RSPO2: variants seen among roughly 807,000 people sequenced by gnomAD.
The protein encoded by RSPO2 is R-spondin-2.
Under a neutral mutation model 30.9 loss-of-function variants are expected in RSPO2, and 14 were observed. The ratio of observed to expected loss-of-function variants is 0.45; its 90% CI spans 0.30 to 0.71. The LOEUF is 0.71. Ranked by LOEUF, RSPO2 falls within the 30% of genes least tolerant of loss-of-function variation. The probability of loss-of-function intolerance (pLI) is 0.08; values close to 1 mark genes in which losing one functional copy is unlikely to be tolerated. For synonymous variants in RSPO2, 107 were observed against 96.4 expected (o/e 1.11, Z -0.64); for missense variants, 264 against 301.9 (o/e 0.87, Z 0.93).
chr8:107,920,127 A>AGAGAAGGAGGG (rs61438068), intron 5 of RSPO2, among the ~76,000 whole-genome samples: 101,236 of 151,632 alleles, frequency 0.67, 35,674 homozygotes, highest in East Asian at 0.9. Flanking sequence ...GGAGGAAGAG[A>AGAGAAGGAGGG]AAGAAGGAGG....
intron 3 of RSPO2, 33 bp from the exon 4 acceptor site, chr8:107,960,850 T>C: frequency 1.3e-6 from 2 of 1,501,124 alleles, no homozygotes; most frequent in Non-Finnish European, 1.8e-6. Context: ...AAAAGAAAAT[T>C]TCAGTCAAAG....
intron 2 of RSPO2, among the ~76,000 whole-genome samples, chr8:108,037,651 C>G (rs1811637857): frequency 6.6e-6 from 1 of 152,204 alleles, no homozygotes; most frequent in Admixed American, 6.6e-5. Context: ...ATGTGAATGT[C>G]TAACTTCAAA....
chr8:107,984,144 A>G (rs537382628), intron 3 of RSPO2, among the ~76,000 whole-genome samples: 2 of 152,388 alleles, frequency 1.3e-5, no homozygotes, highest in East Asian at 1.9e-4. Flanking sequence ...AATGCGCAGC[A>G]TATCTCATTC....
At chr8:108,023,006 T>C (rs34600532) in intron 2 of RSPO2, among the ~76,000 whole-genome samples, 68 of 150,594 alleles carry the variant, frequency 4.5e-4, no homozygotes, top group Non-Finnish European at 6.0e-4. Flanking sequence ...CCAAGAGAGA[T>C]GCTTTTTATT....
intron 2 of RSPO2, among the ~76,000 whole-genome samples, chr8:108,079,520 C>T (rs1273255167): frequency 4.6e-5 from 7 of 151,994 alleles, no homozygotes; most frequent in African/African-American, 1.5e-4. Context: ...CTCTCCATTC[C>T]AAACTGGATG....
intron 2 of RSPO2, among the ~76,000 whole-genome samples, chr8:108,051,007 C>G (rs774042071): frequency 1.2e-4 from 19 of 152,034 alleles, no homozygotes; most frequent in Admixed American, 2.0e-4. Flanking sequence ...AGTGAAAAAC[C>G]CTCTTATACC....
chr8:107,978,915 A>C (rs1407996908), intron 3 of RSPO2, among the ~76,000 whole-genome samples: 2 of 152,238 alleles, frequency 1.3e-5, no homozygotes, highest in Non-Finnish European at 2.9e-5. Flanking sequence ...ATGCAGCCAA[A>C]AAACACATGA....
rs769106083 is a variant in RSPO2, at chr8:107,960,754, C to A, written c.347G>T (p.Gly116Val). Residue 116 changes from glycine to valine, a missense_variant, in exon 4 of 6, where the codon GGC becomes GTC. Transcript: ENST00000276659. Reference sequence around the variant, plus strand: ...GCAACGGCCTCTATGCAAATAAAAGCCTACTTTGCACTTGGTACAAAAGTC... The same window carrying A: ...GCAACGGCCTCTATGCAAATAAAAGACTACTTTGCACTTGGTACAAAAGTC... Reference protein sequence around the residue: ...SKDFCTKCKVGFYLHRGRCFD... With the variant: ...SKDFCTKCKVVFYLHRGRCFD... 8.7e-6 allele frequency: 14 copies of A among 1,612,530 alleles called. No individual in the cohort carries two copies. Among genetic ancestry groups the A allele is most frequent in the Non-Finnish European group, 1.2e-5 (14 of 1,178,940 alleles).
At chr8:108,078,921 A>G (rs550342636) in intron 2 of RSPO2, among the ~76,000 whole-genome samples, 149 of 152,350 alleles carry the variant, frequency 9.8e-4, no homozygotes, top group African/African-American at 3.4e-3. Flanking sequence ...GGGAGATATA[A>G]GATTAAGTCA....
In RSPO2 at chr8:108,029,054, CTTTTTTTTTTTTTTTTTTTTT is replaced by C. The variant is rs71308771; in HGVS notation, c.95-39831_95-39811del. ...AACTTGGGTAACTGTTAACATGAGT[CTTTTTTTTTTTTTTTTTTTTT>C]TTTTTTTTTTTTTTTTTGCCTAAAA... On this transcript the variant is annotated intron_variant, in intron 2 of 5. Transcript: ENST00000276659. 8.7e-3 allele frequency among the ~76,000 whole-genome samples: 229 copies of C among 26,198 alleles called. 1 individual carries two copies. Among genetic ancestry groups the C allele is most frequent in the Middle Eastern group, 0.025 (1 of 40 alleles). The allele number at this position is 26,198 out of a possible 152,430, so 17.2% of individuals were successfully genotyped here.
chr8:107,954,014 A>G, intron 5 of RSPO2, among the ~76,000 whole-genome samples: 1 of 152,164 alleles, frequency 6.6e-6, no homozygotes, highest in Non-Finnish European at 1.5e-5. Context: ...AAAGCTCTCT[A>G]AGGACTCTTT....
chr8:107,994,801 C>G (rs1814958937), intron 2 of RSPO2, among the ~76,000 whole-genome samples: 2 of 152,050 alleles, frequency 1.3e-5, no homozygotes. Context: ...TGTTTACCCT[C>G]CATATAATCA....
intron 2 of RSPO2, among the ~76,000 whole-genome samples, chr8:108,066,107 G>GT (rs111547794): frequency 0.016 from 2,398 of 152,250 alleles, 55 homozygotes; most frequent in African/African-American, 0.054. Context: ...AGCCTGATGG[G>GT]TTACAAGGGC....
Position 107,901,073 on chromosome 8 carries a change from T to A in RSPO2, c.*2A>T. On this transcript the variant is annotated 3_prime_UTR_variant, in exon 6 of 6. Coordinates refer to ENST00000276659, the MANE Select transcript of RSPO2 (RefSeq NM_178565.5). ...CCCTAAAAATCTACCGGATCTCTTG[T>A]TTTATTGGTTAGCTCTGTCTGTAGC... 1 of 1,610,444 alleles carries A rather than the reference T, an allele frequency of 6.2e-7. No individual in the cohort carries two copies. The highest frequency in any genetic ancestry group is 8.5e-7 in the Non-Finnish European group (1 of 1,179,232).
At chr8:108,001,530 G>A (rs906880003) in intron 2 of RSPO2, among the ~76,000 whole-genome samples, 3 of 152,078 alleles carry the variant, frequency 2.0e-5, no homozygotes, top group East Asian at 1.9e-4. Flanking sequence ...CACATGCATC[G>A]GAAAACTGAA....
intron 5 of RSPO2, among the ~76,000 whole-genome samples, chr8:107,925,765 T>C (rs1288069049): frequency 2.0e-5 from 3 of 152,212 alleles, no homozygotes; most frequent in Non-Finnish European, 2.9e-5. Flanking sequence ...TAGTATTCCA[T>C]GGTGCATATG....
intron 2 of RSPO2, among the ~76,000 whole-genome samples, chr8:108,038,857 A>G (rs948134875): frequency 2.0e-5 from 3 of 152,180 alleles, no homozygotes; most frequent in Admixed American, 1.3e-4. Context: ...GCACAGTGTA[A>G]ACATATGCAC....
At chr8:107,961,067 G>C (rs993077822) in intron 3 of RSPO2, among the ~76,000 whole-genome samples, 2 of 152,064 alleles carry the variant, frequency 1.3e-5, no homozygotes, top group Non-Finnish European at 2.9e-5. Flanking sequence ...AGAACTTTTG[G>C]ACATGTTGGT....
At chr8:107,933,098 T>C (rs1456748648) in intron 5 of RSPO2, among the ~76,000 whole-genome samples, 1 of 152,176 alleles carries the variant, frequency 6.6e-6, no homozygotes, top group Non-Finnish European at 1.5e-5. Flanking sequence ...CTGTTTATGT[T>C]ATTCCATCAT....
Sources: gnomAD v4.1 joint callset for allele counts (sites outside exome capture counted in the v4.1 genomes callset) on GRCh38, gnomAD v4.1.1 for gene constraint, MANE v1.5 for transcripts, NCBI Gene and HGNC (gene_info 2026-07-23, HGNC 2026-07-21) for gene names.